The following GGA2 variants were observed in gnomAD, a reference collection of about 807,000 sequenced individuals.
GGA2 encodes ADP-ribosylation factor-binding protein GGA2.
A neutral mutation model predicts 79.5 loss-of-function variants in GGA2; 48 were observed. The observed-to-expected ratio is 0.60, with a 90% CI of 0.48 to 0.77. The LOEUF is 0.77. Among genes scored for constraint, GGA2 ranks in the 30% least tolerant of loss-of-function variants. The pLI is 0.00. For missense variants in GGA2, 770 were observed against 774.0 expected (o/e 0.99, Z 0.06); for synonymous variants, 317 against 302.0 (o/e 1.05, Z -0.51).
rs544235677 is a variant in GGA2, at chr16:23,504,601, C to T, written c.91+5720G>A. Among the ~76,000 whole-genome samples, 245 of 152,298 alleles carry T rather than the reference C, an allele frequency of 1.6e-3. 2 individuals are homozygous for T. Among genetic ancestry groups the T allele is most frequent in the African/African-American group, 5.7e-3 (238 of 41,578 alleles). On this transcript the variant is annotated intron_variant, in intron 1 of 16. Transcript: ENST00000309859. ...GACTTGAGCAGCTCCAAAAAATGACCCCCAGGGGGCCAGCAGCTGGGTCTG... is the reference window on the plus strand; with the variant it reads ...GACTTGAGCAGCTCCAAAAAATGACTCCCAGGGGGCCAGCAGCTGGGTCTG...
At position 23,491,306 on chromosome 16, in the gene GGA2, CAA is replaced by C. The variant is rs35347154; in HGVS notation, c.475+369_475+370del. 3.3e-4 allele frequency among the ~76,000 whole-genome samples: 22 copies of C among 66,502 alleles called. 1 individual carries two copies. The highest frequency in any genetic ancestry group is 1.1e-3 in the African/African-American group (17 of 15,532). 43.6% of individuals were successfully genotyped at this position (66,502 alleles called of 152,430 possible). Reference sequence around the variant, plus strand: ...TAGGTAACAGGGCAACACCTTGTCTCAAAAAAAAAAAAAAAAAAAAAAACCAA... The same window carrying C: ...TAGGTAACAGGGCAACACCTTGTCTCAAAAAAAAAAAAAAAAAAAAACCAA... On this transcript the variant is annotated intron_variant, in intron 5 of 16. Coordinates refer to ENST00000309859, the MANE Select transcript of GGA2 (RefSeq NM_015044.4).
Position 23,495,690 on chromosome 16 carries a change from T to G in GGA2, c.176+4A>C, listed in dbSNP as rs749473659. On this transcript the variant is annotated splice_donor_region_variant and intron_variant, in intron 2 of 16. Coordinates refer to ENST00000309859, the MANE Select transcript of GGA2 (RefSeq NM_015044.4). ...TCAACTATGTGTGTGAGAAGTTACC[T>G]TACCCATTGGGGTCAGTGTTCACCT... The G allele has an allele frequency of 3.9e-6, 6 of 1,554,882 alleles. No homozygotes were observed. In the Admixed American group the frequency reaches 6.7e-5, roughly 17 times the overall value.
chr16:23,494,882 G>A (rs1964835184), intron 2 of GGA2, among the ~76,000 whole-genome samples: 1 of 152,042 alleles, frequency 6.6e-6, no homozygotes, highest in African/African-American at 2.4e-5. Flanking sequence ...AGGAGTTCGA[G>A]ACCAGCCTGG....
chr16:23,480,412 G>A (rs914087983), intron 10 of GGA2: 4 of 475,170 alleles, frequency 8.4e-6, no homozygotes, highest in African/African-American at 5.8e-5. Flanking sequence ...CGCAGGCACA[G>A]CTTAGCCATC....
At chr16:23,499,145 C>T (rs200869966) in intron 1 of GGA2, among the ~76,000 whole-genome samples, 3 of 134,642 alleles carry the variant, frequency 2.2e-5, no homozygotes, top group Admixed American at 7.6e-5. Context: ...CGGGCACCAC[C>T]TTTTTTTTTT....
intron 1 of GGA2, chr16:23,501,000 G>A (rs746405795): frequency 1.8e-5 from 6 of 329,082 alleles, no homozygotes; most frequent in Non-Finnish European, 3.6e-5. Context: ...CAGCCAGCCT[G>A]ATCTTTGACA....
upstream of GGA2, among the ~76,000 whole-genome samples, chr16:23,513,487 C>G (rs1263695632): frequency 6.6e-6 from 1 of 151,898 alleles, no homozygotes; most frequent in Non-Finnish European, 1.5e-5. Context: ...AAGAGTTGGC[C>G]ATAAAGAAAT....
At chr16:23,487,743 G>T (rs938409814) in intron 6 of GGA2, among the ~76,000 whole-genome samples, 1 of 152,084 alleles carries the variant, frequency 6.6e-6, no homozygotes, top group Non-Finnish European at 1.5e-5. Flanking sequence ...AGCGGAGAAA[G>T]GTGGCCTGGA....
chr16:23,472,888 GC>G (rs1307171954), intron 14 of GGA2, among the ~76,000 whole-genome samples: 3 of 151,566 alleles, frequency 2.0e-5, no homozygotes, highest in African/African-American at 7.3e-5. Context: ...CAAAAAAGTA[GC>G]TGGGCGTGGT....
At position 23,469,144 on chromosome 16, in the gene GGA2, C is replaced by T; in HGVS notation, c.1621-148G>A. The T allele has an allele frequency of 5.4e-6, 3 of 558,244 alleles. No homozygotes were observed. In the South Asian group the frequency reaches 6.5e-5, roughly 12 times the overall value. The allele number at this position is 558,244 out of a possible 1,614,324, so 34.6% of individuals were successfully genotyped here. A position where few individuals can be genotyped will look rare whatever the true frequency, so the allele number is the denominator to read the frequency against. On this transcript the variant is annotated intron_variant, in intron 15 of 16. Transcript: ENST00000309859. ...TGGTACCCCGAGGCACCTATGGGAG[C>T]CCAAGCAGACAGACTCCCACTAATT... is the stretch of plus-strand genomic sequence containing the variant.
chr16:23,493,363 T>A lies in GGA2; in HGVS notation c.348A>T (p.Pro116=), dbSNP rs761797819. Residue 116 remains proline (P), a synonymous_variant, in exon 4 of 17, where the codon CCA becomes CCT. Coordinates refer to ENST00000309859, the MANE Select transcript of GGA2 (RefSeq NM_015044.4). ...AGAGCCAAGCCCAGGTACTCACCTT[T>A]GGGGACAACACTTTGATCAGTTCGT... ...FLNELIKVLS[P]KYLGSWATGK... 2 of 1,583,716 alleles carry A rather than the reference T, an allele frequency of 1.3e-6. No individual in the cohort carries two copies. Among genetic ancestry groups the A allele is most frequent in the African/African-American group, 2.7e-5 (2 of 74,324 alleles).
chr16:23,514,356 C>A (rs2142150755), upstream of GGA2, among the ~76,000 whole-genome samples: 1 of 152,260 alleles, frequency 6.6e-6, no homozygotes, highest in South Asian at 2.1e-4. Context: ...GATCCGCCCA[C>A]CTCAGCCTTC....
At chr16:23,479,729 A>ATCC (rs772057343) in intron 11 of GGA2, 36 bp downstream of exon 11, 315 of 1,612,136 alleles carry the variant, frequency 2.0e-4, no homozygotes, top group Non-Finnish European at 2.4e-4. Context: ...ACTCGCACCC[A>ATCC]TCCTGTGCCT....
intron 7 of GGA2, among the ~76,000 whole-genome samples, chr16:23,486,385 A>G (rs1490568509): frequency 6.6e-6 from 1 of 152,224 alleles, no homozygotes; most frequent in Admixed American, 6.5e-5. Flanking sequence ...TTGTGCCACC[A>G]GCCTCAAGTC....
Position 23,470,129 on chromosome 16 carries a change from C to CGG in GGA2, c.1486_1487insCC (p.Gly496AlafsTer25), listed in dbSNP as rs1964491563. On this transcript the variant is annotated frameshift_variant, in exon 15 of 17. Coordinates refer to ENST00000309859, the MANE Select transcript of GGA2 (RefSeq NM_015044.4). LOFTEE classifies it high-confidence loss of function. Reference sequence around the variant, plus strand: ...GGAGAAGTGGAGCAGAATTCTGAATCCATTCCGGTCATACACAATGAGAGG... The same window carrying CGG: ...GGAGAAGTGGAGCAGAATTCTGAATCGGCATTCCGGTCATACACAATGAGAGG... 6.2e-7 allele frequency: 1 copy of CGG among 1,608,554 alleles called. No individual in the cohort carries two copies. Among genetic ancestry groups the CGG allele is most frequent in the Non-Finnish European group, 8.5e-7 (1 of 1,177,772 alleles).
intron 4 of GGA2, 138 bp downstream of exon 4, chr16:23,493,222 G>A (rs1395647572): frequency 1.6e-6 from 1 of 640,452 alleles, no homozygotes; most frequent in Non-Finnish European, 2.9e-6. Context: ...CTAGAGCTTG[G>A]AGAGGAGAGC....
chr16:23,485,578 A>C (rs1964701342), intron 8 of GGA2, among the ~76,000 whole-genome samples: 1 of 152,218 alleles, frequency 6.6e-6, no homozygotes, highest in African/African-American at 2.4e-5. Context: ...AATTGTTTAC[A>C]GTAGCATGAT....
At chr16:23,514,800 G>T (rs960415431), upstream of GGA2, among the ~76,000 whole-genome samples, 1 of 152,156 alleles carries the variant, frequency 6.6e-6, no homozygotes, top group Non-Finnish European at 1.5e-5. Flanking sequence ...GAGGAAAGAT[G>T]TAAGGTATAG....
chr16:23,479,686 T>C (rs547512322), intron 11 of GGA2, 79 bp downstream of exon 11: 10 of 1,504,354 alleles, frequency 6.6e-6, no homozygotes, highest in African/African-American at 5.5e-5. Context: ...GCAGCAGGCA[T>C]GTGCTCCGCG....
Sources: allele counts gnomAD v4.1 joint callset (sites outside exome capture counted in the v4.1 genomes callset), GRCh38; gene constraint gnomAD v4.1.1; transcripts MANE v1.5; gene names NCBI Gene and HGNC (gene_info 2026-07-23, HGNC 2026-07-21).